Variants in LSAMP observed in about 807,000 individuals in gnomAD.
LSAMP encodes the protein limbic system associated membrane protein, also known as limbic system-associated membrane protein.
LSAMP carries 7 observed loss-of-function variants against 38.6 expected under a neutral mutation model. The observed-to-expected ratio is 0.18, with a 90% CI of 0.10 to 0.34. LSAMP has a LOEUF of 0.34. Among genes scored for constraint, LSAMP ranks in the 10% least tolerant of loss-of-function variants. The pLI, the probability that LSAMP is intolerant of heterozygous loss-of-function variation, is 1.00. For missense variants in LSAMP, 313 were observed against 420.0 expected (o/e 0.75, Z 2.23); for synonymous variants, 154 against 166.8 (o/e 0.92, Z 0.59).
rs530930243 is a variant in LSAMP at position 115,956,289 on chromosome 3, C to T, written c.514+63226G>A. 1.2e-3 allele frequency among the ~76,000 whole-genome samples: 177 copies of T among 150,416 alleles called. 3 individuals are homozygous for T. The highest frequency in any genetic ancestry group is 4.1e-3 in the African/African-American group (167 of 40,780). On this transcript the variant is annotated intron_variant, in intron 3 of 6. Coordinates refer to ENST00000490035, the MANE Select transcript of LSAMP (RefSeq NM_002338.5). ...GAGTTCTGCAAGACAGATCTGATCT[C>T]GTAGGCCTCCCATCCAGGAATGAGC...
chr3:115,978,923 G>A (rs1436833476), intron 3 of LSAMP, among the ~76,000 whole-genome samples: 2 of 152,076 alleles, frequency 1.3e-5, no homozygotes, highest in Non-Finnish European at 2.9e-5. Flanking sequence ...GGTGAGTAAG[G>A]AGATGAAGTC....
At chr3:116,285,964 G>C (rs559400333) in intron 1 of LSAMP, among the ~76,000 whole-genome samples, 2 of 152,242 alleles carry the variant, frequency 1.3e-5, no homozygotes, top group African/African-American at 4.8e-5. Flanking sequence ...GAGAAAACAG[G>C]CTTCATCTCT....
At chr3:116,358,433 T>G (rs144526554) in intron 1 of LSAMP, among the ~76,000 whole-genome samples, 100 of 152,254 alleles carry the variant, frequency 6.6e-4, no homozygotes, top group African/African-American at 2.4e-3. Flanking sequence ...TTGGGAACAC[T>G]GCATCTGAGG....
chr3:116,175,419 A>G (rs1032990213), intron 1 of LSAMP, among the ~76,000 whole-genome samples: 1 of 152,076 alleles, frequency 6.6e-6, no homozygotes, highest in African/African-American at 2.4e-5. Flanking sequence ...GCTATTTGAA[A>G]CAATGGAATA....
chr3:116,116,420 G>A (rs985681714), intron 1 of LSAMP, among the ~76,000 whole-genome samples: 5 of 151,452 alleles, frequency 3.3e-5, no homozygotes, highest in Non-Finnish European at 7.4e-5. Flanking sequence ...ACAAAGGCTG[G>A]GCACAGTGGC....
chr3:115,867,030 T>A (rs551180717), intron 3 of LSAMP, among the ~76,000 whole-genome samples: 57 of 150,970 alleles, frequency 3.8e-4, no homozygotes, highest in African/African-American at 1.4e-3. Context: ...AAGAGGGGGG[T>A]CATAAATTCA....
At chr3:116,054,341 T>C (rs970522762) in intron 2 of LSAMP, among the ~76,000 whole-genome samples, 9 of 152,226 alleles carry the variant, frequency 5.9e-5, no homozygotes, top group African/African-American at 2.2e-4. Context: ...ATCATATCTG[T>C]GGAGCCCTTT....
At chr3:116,128,014 T>C (rs561545978) in intron 1 of LSAMP, among the ~76,000 whole-genome samples, 2 of 152,260 alleles carry the variant, frequency 1.3e-5, no homozygotes, top group East Asian at 1.9e-4. Context: ...AATTAGGTGA[T>C]TGGGACCCTT....
chr3:116,155,010 A>G (rs1243641756), intron 1 of LSAMP, among the ~76,000 whole-genome samples: 2 of 24,328 alleles, frequency 8.2e-5, no homozygotes, highest in Non-Finnish European at 2.2e-4. Context: ...TTCTTCATGA[A>G]TGTTTTGGTT....
Position 115,802,753 on chromosome 3 carries a change from AAGG to A in LSAMP, c.*7561_*7563del, listed in dbSNP as rs1166010883. 6.6e-6 allele frequency: 1 copy of A among 152,038 alleles called. No homozygotes were observed. Among genetic ancestry groups the A allele is most frequent in the African/African-American group, 2.4e-5 (1 of 41,418 alleles). The allele number at this position is 152,038 out of a possible 1,614,324, so 9.4% of individuals were successfully genotyped here. On this transcript the variant is annotated 3_prime_UTR_variant, in exon 7 of 7. Transcript: ENST00000490035. Reference sequence around the variant, plus strand: ...TTTATATGTATATAACACTGTTAATAAGGAGAATTCTAACCAAGAGCAGGATTT... The same window carrying A: ...TTTATATGTATATAACACTGTTAATAAGAATTCTAACCAAGAGCAGGATTT...
intron 1 of LSAMP, among the ~76,000 whole-genome samples, chr3:116,376,270 G>T (rs895070384): frequency 6.6e-6 from 1 of 151,988 alleles, no homozygotes; most frequent in Non-Finnish European, 1.5e-5. Context: ...AGATAATCTT[G>T]CATCTATTTA....
At chr3:116,425,164 T>TA (rs2049178440) in intron 1 of LSAMP, among the ~76,000 whole-genome samples, 1 of 152,192 alleles carries the variant, frequency 6.6e-6, no homozygotes, top group Non-Finnish European at 1.5e-5. Context: ...AAAGTAGTTT[T>TA]AAAACAATTG....
intron 2 of LSAMP, among the ~76,000 whole-genome samples, chr3:116,071,581 C>T (rs539900181): frequency 3.1e-4 from 47 of 152,136 alleles, no homozygotes; most frequent in Non-Finnish European, 5.1e-4. Context: ...TAAACTACCA[C>T]TTCATTTTTT....
intron 1 of LSAMP, among the ~76,000 whole-genome samples, chr3:116,198,578 G>T (rs1027647062): frequency 2.0e-5 from 3 of 151,396 alleles, no homozygotes; most frequent in African/African-American, 7.3e-5. Context: ...GACCATCCCG[G>T]CTAACACAGT....
intron 1 of LSAMP, among the ~76,000 whole-genome samples, chr3:116,150,565 G>A (rs1182930666): frequency 6.6e-6 from 1 of 151,930 alleles, no homozygotes; most frequent in African/African-American, 2.4e-5. Flanking sequence ...ATAATAAAAG[G>A]CTGGCCAGAG....
At chr3:116,153,178 A>G (rs754091022) in intron 1 of LSAMP, among the ~76,000 whole-genome samples, 10 of 152,108 alleles carry the variant, frequency 6.6e-5, no homozygotes, top group Non-Finnish European at 1.2e-4. Context: ...TATGTGTGCC[A>G]TTACAAAATT....
rs143945473 is a variant in LSAMP, at chr3:116,342,188, A to G, written c.155+102689T>C. Among the ~76,000 whole-genome samples, 236 of 152,076 alleles carry G rather than the reference A, an allele frequency of 1.6e-3. 2 individuals are homozygous for G. The highest frequency in any genetic ancestry group is 5.3e-3 in the African/African-American group (220 of 41,512). ...TGGAGAGACCCTCTTCCCACTTGCAAGGTAGAGAAACTTGAGCAGTTGGGA... is the reference window on the plus strand; with the variant it reads ...TGGAGAGACCCTCTTCCCACTTGCAGGGTAGAGAAACTTGAGCAGTTGGGA... On this transcript the variant is annotated intron_variant, in intron 1 of 6. Transcript: ENST00000490035.
At chr3:116,325,613 T>C (rs2047760086) in intron 1 of LSAMP, among the ~76,000 whole-genome samples, 1 of 152,196 alleles carries the variant, frequency 6.6e-6, no homozygotes, top group South Asian at 2.1e-4. Context: ...CTCACCATCC[T>C]ATTTCTACTT....
rs1315342002 is a variant in LSAMP at position 115,933,332 on chromosome 3, G to A, written c.515-80715C>T. Among the ~76,000 whole-genome samples, 5 of 152,258 alleles carry A rather than the reference G, an allele frequency of 3.3e-5. No homozygotes were observed. The East Asian group carries it at 9.7e-4, about 29-fold the overall frequency. ...TTGGAAGCCTACAGCATTTGCTCAG[G>A]TAAGTGGTAATAATAGTGACAATGC... On this transcript the variant is annotated intron_variant, in intron 3 of 6. Transcript: ENST00000490035.
Sources: gnomAD v4.1 joint callset for allele counts (sites outside exome capture counted in the v4.1 genomes callset) on GRCh38, gnomAD v4.1.1 for gene constraint, MANE v1.5 for transcripts, NCBI Gene and HGNC (gene_info 2026-07-23, HGNC 2026-07-21) for gene names.